Variants in LAMA2 observed in about 807,000 individuals in gnomAD.
The protein encoded by LAMA2 is laminin subunit alpha-2.
LAMA2 carries 269 observed loss-of-function variants against 364.8 expected under a neutral mutation model. That is an observed-to-expected ratio of 0.74 (90% CI 0.67 to 0.82). The LOEUF (loss-of-function observed/expected upper bound fraction) is 0.82, where lower values mean the gene tolerates loss of function less well. LAMA2 is among the 40% of genes least tolerant of loss of function. LAMA2 has a pLI of 0.00. For missense variants in LAMA2, 3,807 were observed against 3,873.2 expected, an observed-to-expected ratio of 0.98 and a Z score of 0.45; for synonymous variants, 1,379 against 1,370.6, an observed-to-expected ratio of 1.01 and a Z score of -0.14.
chr6:129,140,365 G>A (rs1481076793), intron 4 of LAMA2, among the ~76,000 whole-genome samples: 1 of 151,854 alleles, frequency 6.6e-6, no homozygotes, highest in Non-Finnish European at 1.5e-5. Context: ...CCCTTTATTT[G>A]CCTTGGAAAA....
rs767013359 is a variant in LAMA2, at chr6:129,205,493, TACACACACAC to T, written c.1782+12671_1782+12680del. ...TATTCTGTAAGTATATATATATATATACACACACACACACACACACACACACACACACACA... is the reference window on the plus strand; with the variant it reads ...TATTCTGTAAGTATATATATATATATACACACACACACACACACACACACA... On this transcript the variant is annotated intron_variant, in intron 12 of 64. Transcript: ENST00000421865. Among the ~76,000 whole-genome samples the T allele has an allele frequency of 1.2e-3, 121 of 104,112 alleles. 3 individuals carry two copies. The highest frequency in any genetic ancestry group is 4.6e-3 in the Middle Eastern group (1 of 218). The allele number at this position is 104,112 out of a possible 152,430, so 68.3% of individuals were successfully genotyped here. A position where few individuals can be genotyped will look rare whatever the true frequency, so the allele number is the denominator to read the frequency against.
chr6:129,409,547 G>A (rs1243285751), intron 40 of LAMA2, among the ~76,000 whole-genome samples: 1 of 152,224 alleles, frequency 6.6e-6, no homozygotes, highest in African/African-American at 2.4e-5. Context: ...AGGTTGCATG[G>A]TGACTTGATG....
At chr6:129,372,748 A>G (rs780194827) in intron 34 of LAMA2, among the ~76,000 whole-genome samples, 3 of 152,144 alleles carry the variant, frequency 2.0e-5, no homozygotes, top group Non-Finnish European at 4.4e-5. Flanking sequence ...GGTCTTTTCT[A>G]TTTTGCATTC....
At chr6:129,080,173 A>G (rs550203019) in intron 3 of LAMA2, among the ~76,000 whole-genome samples, 1 of 152,298 alleles carries the variant, frequency 6.6e-6, no homozygotes, top group South Asian at 2.1e-4. Flanking sequence ...CAACTCCGTA[A>G]GAAAGATACT....
chr6:129,366,920 C>T (rs144271034), intron 33 of LAMA2, among the ~76,000 whole-genome samples: 6 of 152,336 alleles, frequency 3.9e-5, no homozygotes, highest in Non-Finnish European at 5.9e-5. Context: ...ATGTGACTAA[C>T]GTGCTCAGTC....
Position 129,151,933 on chromosome 6 carries a change from A to G in LAMA2, c.1028-2572A>G, listed in dbSNP as rs6933830. ...CCCTAAAGATATAAAACTGCTTACA[A>G]TGCCTAGTGATTTGTATTGATTACT... On this transcript the variant is annotated intron_variant, in intron 7 of 64. Coordinates refer to ENST00000421865, the MANE Select transcript of LAMA2 (RefSeq NM_000426.4). Among the ~76,000 whole-genome samples the G allele has an allele frequency of 9.5e-3, 1,454 of 152,300 alleles. 20 individuals are homozygous for G. The highest frequency in any genetic ancestry group is 0.033 in the African/African-American group (1,379 of 41,560).
chr6:129,511,255 C>T (rs1279571998), intron 62 of LAMA2, among the ~76,000 whole-genome samples: 1 of 152,056 alleles, frequency 6.6e-6, no homozygotes, highest in Non-Finnish European at 1.5e-5. Context: ...GACCCAATCA[C>T]TGGGGCTTTT....
intron 1 of LAMA2, among the ~76,000 whole-genome samples, chr6:128,984,295 T>A (rs910299456): frequency 6.6e-6 from 1 of 152,180 alleles, no homozygotes; most frequent in Admixed American, 6.5e-5. Flanking sequence ...TTCCTGCTTA[T>A]AAACTACCCA....
chr6:129,052,011 A>G (rs979952290), intron 2 of LAMA2, among the ~76,000 whole-genome samples: 7 of 144,566 alleles, frequency 4.8e-5, no homozygotes, highest in African/African-American at 1.9e-4. Flanking sequence ...ATATATATAT[A>G]TATGTAGAGA....
chr6:129,096,654 A>G (rs1023167703), intron 3 of LAMA2, among the ~76,000 whole-genome samples: 7 of 152,212 alleles, frequency 4.6e-5, no homozygotes, highest in South Asian at 2.1e-4. Flanking sequence ...GCTGGGGTCA[A>G]TCAGATGGTC....
intron 36 of LAMA2, among the ~76,000 whole-genome samples, chr6:129,392,381 C>G (rs1257037683): frequency 6.6e-6 from 1 of 152,126 alleles, no homozygotes; most frequent in African/African-American, 2.4e-5. Context: ...CCTCCCAGAC[C>G]TCCTGAATCA....
At chr6:129,030,339 A>G (rs4076090) in intron 1 of LAMA2, among the ~76,000 whole-genome samples, 93,108 of 151,980 alleles carry the variant, frequency 0.61, 30,997 homozygotes, top group East Asian at 0.96. Flanking sequence ...GTCCTTGACT[A>G]TGTTGTTCAT....
At chr6:129,441,386 G>A (rs1001033448) in intron 43 of LAMA2, among the ~76,000 whole-genome samples, 2 of 152,132 alleles carry the variant, frequency 1.3e-5, no homozygotes, top group Admixed American at 1.3e-4. Flanking sequence ...GCACGTTCAT[G>A]AACAGACTTG....
Position 129,486,553 on chromosome 6 carries a change from T to A in LAMA2, c.7829T>A (p.Val2610Glu). The change falls in exon 56 of 65, where the codon GTG becomes GAG. Residue 2610 changes from valine to glutamate, a missense_variant. Coordinates refer to ENST00000421865, the MANE Select transcript of LAMA2 (RefSeq NM_000426.4). ...STGARTMRKI[V>E]IRPEPNLFHD... Reference sequence around the variant, plus strand: ...GGGGCACGAACAATGAGGAAAATTGTGATCAGACCAGAGCCGAATCTGTTT... The same window carrying A: ...GGGGCACGAACAATGAGGAAAATTGAGATCAGACCAGAGCCGAATCTGTTT... The A allele has an allele frequency of 6.2e-7, 1 of 1,613,992 alleles. No individual in the cohort carries two copies. The highest frequency in any genetic ancestry group is 8.5e-7 in the Non-Finnish European group (1 of 1,179,906).
chr6:129,210,024 A>AAAAAAAAAAAAAAAAAAAAT (rs200129656), intron 12 of LAMA2, among the ~76,000 whole-genome samples: 6 of 145,326 alleles, frequency 4.1e-5, no homozygotes, highest in East Asian at 2.2e-4. Flanking sequence ...AAAAAAAAAA[A>AAAAAAAAAAAAAAAAAAAAT]ATTTTTACTA....
chr6:129,123,106 C>T (rs2114921998), intron 4 of LAMA2, among the ~76,000 whole-genome samples: 1 of 152,088 alleles, frequency 6.6e-6, no homozygotes, highest in Admixed American at 6.6e-5. Flanking sequence ...AGTTCGAGAG[C>T]AGCCTGGCCA....
At chr6:129,309,940 C>A in intron 22 of LAMA2, among the ~76,000 whole-genome samples, 1 of 139,492 alleles carries the variant, frequency 7.2e-6, no homozygotes, top group Non-Finnish European at 1.5e-5. Context: ...CGCTCTGTCA[C>A]CCAGGCTGGA....
intron 3 of LAMA2, among the ~76,000 whole-genome samples, chr6:129,093,077 T>G (rs1774939660): frequency 1.3e-5 from 2 of 152,088 alleles, no homozygotes; most frequent in South Asian, 4.2e-4. Flanking sequence ...CGCCTTCCGA[T>G]TTTCAAGCGA....
intron 29 of LAMA2, among the ~76,000 whole-genome samples, chr6:129,335,248 A>G (rs1775883336): frequency 6.6e-6 from 1 of 152,094 alleles, no homozygotes; most frequent in Non-Finnish European, 1.5e-5. Context: ...GCTCCTTAAG[A>G]AAAAAAATTT....
Sources: gnomAD v4.1 joint callset for allele counts (sites outside exome capture counted in the v4.1 genomes callset) on GRCh38, gnomAD v4.1.1 for gene constraint, MANE v1.5 for transcripts, NCBI Gene and HGNC (gene_info 2026-07-23, HGNC 2026-07-21) for gene names.